Variants in TEX9 observed in about 807,000 individuals in gnomAD.
TEX9 encodes the protein testis expressed 9, also known as testis-expressed protein 9.
Under a neutral mutation model 59.6 loss-of-function variants are expected in TEX9, and 74 were observed. The observed-to-expected ratio is 1.24, with a 90% CI of 1.03 to 1.51. The LOEUF is 1.51. Ranked by LOEUF, TEX9 falls within the 40% of genes most tolerant of loss-of-function variation. The pLI, the probability that TEX9 is intolerant of heterozygous loss-of-function variation, is 0.00. For synonymous variants in TEX9, 186 were observed against 152.2 expected (o/e 1.22, Z -1.64); for missense variants, 522 against 447.8 (o/e 1.17, Z -1.49).
chr15:56,407,231 G>A (rs1476791007), intron 9 of TEX9, among the ~76,000 whole-genome samples: 2 of 152,138 alleles, frequency 1.3e-5, no homozygotes, highest in Non-Finnish European at 2.9e-5. Context: ...TGGCACCAGT[G>A]AAGGAAATGA....
chr15:56,356,119 A>G (rs1396964922), intron 1 of TEX9, among the ~76,000 whole-genome samples: 1 of 152,124 alleles, frequency 6.6e-6, no homozygotes, highest in Non-Finnish European at 1.5e-5. Context: ...AAGATTATCA[A>G]TTGATTGGCC....
intron 1 of TEX9, among the ~76,000 whole-genome samples, chr15:56,356,403 A>G (rs2046685359): frequency 6.6e-6 from 1 of 152,050 alleles, no homozygotes; most frequent in African/African-American, 2.4e-5. Flanking sequence ...TAGATAAATT[A>G]TTTATTTAGG....
chr15:56,334,762 C>T (rs1473080184), intron 1 of TEX9, among the ~76,000 whole-genome samples: 6 of 151,872 alleles, frequency 4.0e-5, no homozygotes, highest in Admixed American at 2.0e-4. Context: ...ATCTGACAAG[C>T]GATTAATAAC....
chr15:56,318,449 A>C (rs1447708466), intron 1 of TEX9, among the ~76,000 whole-genome samples: 2 of 152,116 alleles, frequency 1.3e-5, no homozygotes, highest in East Asian at 3.8e-4. Context: ...GTTTTTATCT[A>C]TTCTACAGTT....
chr15:56,301,896 T>C (rs943402621), intron 1 of TEX9, among the ~76,000 whole-genome samples: 13 of 152,120 alleles, frequency 8.5e-5, no homozygotes, highest in Non-Finnish European at 1.5e-5. Context: ...AAACACAGCA[T>C]ATTGTAACAT....
chr15:56,404,340 T>C (rs2048961524), intron 9 of TEX9, among the ~76,000 whole-genome samples: 6 of 152,144 alleles, frequency 3.9e-5, no homozygotes, highest in Admixed American at 3.9e-4. Context: ...AACAGACGCT[T>C]CTCAAAAGAA....
chr15:56,317,106 G>A (rs944218057), intron 1 of TEX9, among the ~76,000 whole-genome samples: 1 of 152,134 alleles, frequency 6.6e-6, no homozygotes, highest in Non-Finnish European at 1.5e-5. Context: ...GAAATCACCC[G>A]TCTTCTGCGT....
intron 1 of TEX9, among the ~76,000 whole-genome samples, chr15:56,250,113 T>C (rs1344411974): frequency 2.0e-5 from 3 of 152,202 alleles, no homozygotes; most frequent in African/African-American, 7.2e-5. Context: ...CTGAGATCAC[T>C]TAAGTCTGTG....
chr15:56,280,169 T>C (rs546333327), intron 1 of TEX9, among the ~76,000 whole-genome samples: 32 of 152,326 alleles, frequency 2.1e-4, no homozygotes, highest in Non-Finnish European at 3.8e-4. Flanking sequence ...CTTATGGCAT[T>C]TTTAACTTGT....
exon 7 of TEX9, chr15:56,391,371 A>G (rs1262142016): frequency 6.3e-7 from 1 of 1,579,788 alleles, no homozygotes; most frequent in Middle Eastern, 1.7e-4. Context: ...GGCTTACCTG[A>G]ATATATAGAT....
intron 1 of TEX9, among the ~76,000 whole-genome samples, chr15:56,284,754 C>T (rs1188393944): frequency 6.6e-6 from 1 of 151,998 alleles, no homozygotes; most frequent in Non-Finnish European, 1.5e-5. Context: ...TTGTTTTCCC[C>T]GTCCATCCTC....
chr15:56,338,524 TAGGCTG>T (rs2046302856), intron 1 of TEX9, among the ~76,000 whole-genome samples: 1 of 152,198 alleles, frequency 6.6e-6, no homozygotes, highest in African/African-American at 2.4e-5. Context: ...TATAGTGGTG[TAGGCTG>T]AGGCACTTTG....
intron 9 of TEX9, chr15:56,408,514 G>C (rs1408858144): frequency 6.6e-6 from 1 of 151,952 alleles, no homozygotes; most frequent in East Asian, 1.9e-4. Flanking sequence ...CTATATATAC[G>C]TTGATCATCC....
chr15:56,304,430 G>A (rs2045430733), intron 1 of TEX9, among the ~76,000 whole-genome samples: 1 of 152,126 alleles, frequency 6.6e-6, no homozygotes. Context: ...TCTGTATCCA[G>A]TTTTGTGAGG....
intron 1 of TEX9, among the ~76,000 whole-genome samples, chr15:56,344,113 C>A (rs1323760532): frequency 2.0e-5 from 3 of 152,124 alleles, no homozygotes; most frequent in Non-Finnish European, 4.4e-5. Flanking sequence ...TTTGATAGTT[C>A]TTGAAATGGT....
At chr15:56,436,824 C>A (rs571152900) in intron 12 of TEX9, among the ~76,000 whole-genome samples, 36 of 152,258 alleles carry the variant, frequency 2.4e-4, no homozygotes, top group African/African-American at 6.7e-4. Context: ...ACTATAAACA[C>A]CTCTACGCAA....
At chr15:56,273,039 C>T (rs67840706) in intron 1 of TEX9, among the ~76,000 whole-genome samples, 2,299 of 151,772 alleles carry the variant, frequency 0.015, 27 homozygotes, top group Non-Finnish European at 0.021. Flanking sequence ...GTGCAACCTC[C>T]GCCTCCCGAG....
chr15:56,358,836 T>G (rs2046737613), intron 1 of TEX9, among the ~76,000 whole-genome samples: 1 of 152,104 alleles, frequency 6.6e-6, no homozygotes, highest in Non-Finnish European at 1.5e-5. Context: ...TGATGTCTCA[T>G]GAGATCTGAT....
chr15:56,355,620 A>G (rs1426065), intron 1 of TEX9, among the ~76,000 whole-genome samples: 19,413 of 152,112 alleles, frequency 0.13, 1,667 homozygotes, highest in East Asian at 0.38. Context: ...ATCTAATTTT[A>G]GAATCAGCTG....
Sources: gnomAD v4.1 joint callset for allele counts (sites outside exome capture counted in the v4.1 genomes callset) on GRCh38, gnomAD v4.1.1 for gene constraint, MANE v1.5 for transcripts, NCBI Gene and HGNC (gene_info 2026-07-23, HGNC 2026-07-21) for gene names.